CD109: variants seen among roughly 807,000 people sequenced by gnomAD.
The protein encoded by CD109 is CD109 antigen.
CD109 carries 149 observed loss-of-function variants against 165.8 expected under a neutral mutation model. The ratio of observed to expected loss-of-function variants is 0.90; its 90% CI spans 0.79 to 1.03. The LOEUF is 1.03. Among genes scored for constraint, CD109 ranks in the 50% least tolerant of loss-of-function variants. The probability of loss-of-function intolerance (pLI) is 0.00; values close to 1 mark genes in which losing one functional copy is unlikely to be tolerated. For synonymous variants in CD109, 585 were observed against 592.1 expected, an observed-to-expected ratio of 0.99 and a Z score of 0.18; for missense variants, 1,712 against 1,677.8, an observed-to-expected ratio of 1.02 and a Z score of -0.36.
intron 5 of CD109, 31 bp downstream of exon 5, chr6:73,736,539 G>C (rs374844504): frequency 6.3e-7 from 1 of 1,591,464 alleles, no homozygotes; most frequent in Admixed American, 1.8e-5. Context: ...TGGGGGGAAT[G>C]TTAAAGTGAT....
intron 22 of CD109, among the ~76,000 whole-genome samples, chr6:73,791,176 T>TAC (rs3081481): frequency 1.3e-3 from 32 of 24,132 alleles, no homozygotes; most frequent in Non-Finnish European, 1.6e-3. Context: ...TATATATATA[T>TAC]ACACACACAC....
At chr6:73,739,930 A>G (rs1311347276) in intron 5 of CD109, among the ~76,000 whole-genome samples, 2 of 152,230 alleles carry the variant, frequency 1.3e-5, no homozygotes, top group African/African-American at 4.8e-5. Context: ...GTGAAGTGGC[A>G]CAATCATAGT....
intron 29 of CD109, among the ~76,000 whole-genome samples, chr6:73,812,601 T>C (rs968065253): frequency 2.0e-5 from 3 of 152,122 alleles, no homozygotes; most frequent in African/African-American, 7.2e-5. Context: ...TCTGAGAATA[T>C]AGAAGTCAAC....
chr6:73,698,342 T>G (rs1306516647), intron 2 of CD109, among the ~76,000 whole-genome samples: 1 of 152,146 alleles, frequency 6.6e-6, no homozygotes, highest in Non-Finnish European at 1.5e-5. Context: ...ATTTTTTTCT[T>G]TTTTTAGATT....
chr6:73,822,787 A>C (rs1776144605), intron 32 of CD109, among the ~76,000 whole-genome samples: 1 of 152,254 alleles, frequency 6.6e-6, no homozygotes, highest in Non-Finnish European at 1.5e-5. Flanking sequence ...ATTTTAAAAA[A>C]TCTCAAAACA....
At chr6:73,740,126 G>T (rs545553751) in intron 5 of CD109, among the ~76,000 whole-genome samples, 1 of 152,222 alleles carries the variant, frequency 6.6e-6, no homozygotes, top group East Asian at 1.9e-4. Flanking sequence ...CAATCCTTCT[G>T]CCTTGGCCTC....
chr6:73,810,593 T>G (rs1775718207), intron 27 of CD109, among the ~76,000 whole-genome samples: 1 of 152,074 alleles, frequency 6.6e-6, no homozygotes, highest in Non-Finnish European at 1.5e-5. Flanking sequence ...GATAATATGA[T>G]CATTTATGAG....
chr6:73,727,949 T>C (rs1218879291), intron 3 of CD109, among the ~76,000 whole-genome samples: 1 of 152,166 alleles, frequency 6.6e-6, no homozygotes, highest in Non-Finnish European at 1.5e-5. Flanking sequence ...TAGACTCTGC[T>C]CTACCAGGGC....
intron 9 of CD109, 70 bp from the exon 10 acceptor site, chr6:73,763,506 A>G (rs1773717355): frequency 2.4e-6 from 2 of 823,456 alleles, no homozygotes; most frequent in South Asian, 3.7e-5. Context: ...TTAGATGGAG[A>G]GATTTGGTGG....
At position 73,825,603 on chromosome 6, in the gene CD109, A is replaced by G. The variant is rs1299915166; in HGVS notation, c.*1970A>G. 1 of 152,234 alleles carries G rather than the reference A, an allele frequency of 6.6e-6. No individual in the cohort carries two copies. The highest frequency in any genetic ancestry group is 1.5e-5 in the Non-Finnish European group (1 of 68,040). The allele number at this position is 152,234 out of a possible 1,614,324, so 9.4% of individuals were successfully genotyped here. A position where few individuals can be genotyped will look rare whatever the true frequency, so the allele number is the denominator to read the frequency against. On this transcript the variant is annotated 3_prime_UTR_variant, in exon 33 of 33. Coordinates refer to ENST00000287097, the MANE Select transcript of CD109 (RefSeq NM_133493.5). Reference sequence around the variant, plus strand: ...GAAAGGCCATTGGAAGACAGGTTGTATCTTTTTTAGACCATATTTCCTTGT... The same window carrying G: ...GAAAGGCCATTGGAAGACAGGTTGTGTCTTTTTTAGACCATATTTCCTTGT...
rs1296030408 is a variant in CD109 at position 73,697,559 on chromosome 6, A to G, written c.234A>G (p.Gly78=). The G allele has an allele frequency of 3.7e-6, 6 of 1,613,484 alleles. No individual in the cohort carries two copies. The highest frequency in any genetic ancestry group is 5.1e-6 in the Non-Finnish European group (6 of 1,179,656). Residue 78 remains glycine, a synonymous_variant, in exon 2 of 33, where the codon GGA becomes GGG. Transcript: ENST00000287097. Reference sequence around the variant, plus strand: ...CTGTCTCTGTCCTGGAAGCAGAAGGAGTCTTTGAAAAAGGTAAGATAAACA... The same window carrying G: ...CTGTCTCTGTCCTGGAAGCAGAAGGGGTCTTTGAAAAAGGTAAGATAAACA... The part of the protein sequence containing the change: ...NLTVSVLEAE[G]VFEKGSFKTL...
intron 29 of CD109, among the ~76,000 whole-genome samples, chr6:73,814,433 G>T (rs377621323): frequency 6.6e-6 from 1 of 152,208 alleles, no homozygotes; most frequent in East Asian, 1.9e-4. Flanking sequence ...TTTAACATCA[G>T]TGGTGGGTAC....
intron 19 of CD109, 115 bp from the exon 20 acceptor site, chr6:73,785,249 A>T (rs1275506695): frequency 1.6e-6 from 1 of 643,174 alleles, no homozygotes; most frequent in East Asian, 2.9e-5. Context: ...TAGCAAGTTG[A>T]CATTTCTAGC....
At chr6:73,698,522 A>G (rs1770942525) in intron 2 of CD109, among the ~76,000 whole-genome samples, 1 of 152,208 alleles carries the variant, frequency 6.6e-6, no homozygotes, top group Non-Finnish European at 1.5e-5. Context: ...GTTATTTAAA[A>G]AAAAAAATTT....
chr6:73,783,675 T>G, intron 18 of CD109, 32 bp from the exon 19 acceptor site: 1 of 1,250,694 alleles, frequency 8.0e-7, no homozygotes, highest in Non-Finnish European at 1.2e-6. Flanking sequence ...TTCTTGGTTT[T>G]GTGATGTTTA....
intron 5 of CD109, among the ~76,000 whole-genome samples, chr6:73,738,522 A>G (rs550631552): frequency 1.5e-4 from 23 of 152,212 alleles, no homozygotes; most frequent in Non-Finnish European, 3.1e-4. Context: ...GTACCAGAAG[A>G]GAGGGGGATA....
chr6:73,686,081 G>C, the CD109 span, among the ~76,000 whole-genome samples: 1 of 152,196 alleles, frequency 6.6e-6, no homozygotes, highest in African/African-American at 2.4e-5. Context: ...GCTATGCTGT[G>C]CTGAGTAGGC....
rs746692535 is a variant in CD109 at position 73,771,410 on chromosome 6, T to C, written c.1675-19T>C. ...TTAAAAAAGTGAAATAAGTTAATCCTCCTTTCTCTCTTTTTTAGATAAAGC... is the reference window on the plus strand; with the variant it reads ...TTAAAAAAGTGAAATAAGTTAATCCCCCTTTCTCTCTTTTTTAGATAAAGC... On this transcript the variant is annotated intron_variant, in intron 14 of 32. Coordinates refer to ENST00000287097, the MANE Select transcript of CD109 (RefSeq NM_133493.5). 5 of 1,585,602 alleles carry C rather than the reference T, an allele frequency of 3.2e-6. No homozygotes were observed. In the South Asian group the frequency reaches 5.9e-5, roughly 19 times the overall value.
chr6:73,750,554 C>G (rs1373106224), intron 5 of CD109, among the ~76,000 whole-genome samples: 1 of 152,016 alleles, frequency 6.6e-6, no homozygotes, highest in Non-Finnish European at 1.5e-5. Flanking sequence ...ATGGGAGAGG[C>G]AGAATCGAGA....
Sources: gnomAD v4.1 joint callset for allele counts (sites outside exome capture counted in the v4.1 genomes callset) on GRCh38, gnomAD v4.1.1 for gene constraint, MANE v1.5 for transcripts, NCBI Gene and HGNC (gene_info 2026-07-23, HGNC 2026-07-21) for gene names.